The following POU3F3 variants were observed in gnomAD, a reference collection of about 807,000 sequenced individuals.
POU3F3 encodes POU domain, class 3, transcription factor 3.
In POU3F3, 1 loss-of-function variant was observed where a neutral mutation model predicts 8.6. The observed-to-expected ratio is 0.12, with a 90% confidence interval of 0.04 to 0.55. The LOEUF is 0.55. Among genes scored for constraint, POU3F3 ranks in the 20% least tolerant of loss-of-function variants. The pLI, the probability that POU3F3 is intolerant of heterozygous loss-of-function variation, is 0.91. For missense variants in POU3F3, 577 were observed against 690.7 expected (o/e 0.84, Z 1.84); for synonymous variants, 418 against 327.4 (o/e 1.28, Z -2.99).
At chr2:104,919,888 C>G in the POU3F3 span, among the ~76,000 whole-genome samples, 4 of 152,140 alleles carry the variant, frequency 2.6e-5, no homozygotes, top group Non-Finnish European at 5.9e-5. Flanking sequence ...AAAAATCACA[C>G]ACACACAGAG....
chr2:104,894,734 A>G, the POU3F3 span, among the ~76,000 whole-genome samples: 1 of 152,196 alleles, frequency 6.6e-6, no homozygotes, highest in Non-Finnish European at 1.5e-5. Context: ...CACTGTCCAA[A>G]AAATCTGCAT....
the POU3F3 span, among the ~76,000 whole-genome samples, chr2:104,925,431 C>T: frequency 6.6e-6 from 1 of 152,078 alleles, no homozygotes; most frequent in African/African-American, 2.4e-5. Flanking sequence ...AAGAAATTCC[C>T]AAGGTTTCCT....
chr2:104,890,724 GC>G, the POU3F3 span, among the ~76,000 whole-genome samples: 1 of 152,148 alleles, frequency 6.6e-6, no homozygotes, highest in African/African-American at 2.4e-5. Context: ...GGCATAGTCA[GC>G]CCATCTGATA....
the POU3F3 span, among the ~76,000 whole-genome samples, chr2:104,916,478 G>C: frequency 6.6e-6 from 1 of 152,182 alleles, no homozygotes; most frequent in African/African-American, 2.4e-5. Context: ...GCTGTCAGCT[G>C]AGGCTCCATT....
the POU3F3 span, among the ~76,000 whole-genome samples, chr2:104,889,862 GTTTCTGA>G: frequency 6.6e-6 from 1 of 152,090 alleles, no homozygotes; most frequent in South Asian, 2.1e-4. Flanking sequence ...ATTAACAGCT[GTTTCTGA>G]TATATAGCAA....
chr2:104,873,528 C>G, the POU3F3 span, among the ~76,000 whole-genome samples: 2 of 152,184 alleles, frequency 1.3e-5, no homozygotes, highest in African/African-American at 4.8e-5. Context: ...CCCGCGCGCG[C>G]ACTCGCACTC....
At chr2:104,883,124 T>C in the POU3F3 span, among the ~76,000 whole-genome samples, 1 of 152,190 alleles carries the variant, frequency 6.6e-6, no homozygotes, top group Non-Finnish European at 1.5e-5. Flanking sequence ...CTCTTTGCTG[T>C]GGAGAGTTGC....
chr2:104,860,043 T>A (rs1262027049), downstream of POU3F3, among the ~76,000 whole-genome samples: 1 of 152,178 alleles, frequency 6.6e-6, no homozygotes. Flanking sequence ...GGAATGGTGG[T>A]GGTTGATTAG....
chr2:104,868,003 G>A, the POU3F3 span: 8 of 344,762 alleles, frequency 2.3e-5, no homozygotes, highest in Non-Finnish European at 4.0e-5. Flanking sequence ...GGTAACCCTG[G>A]GCCCCGACCT....
At chr2:104,888,878 T>C in the POU3F3 span, among the ~76,000 whole-genome samples, 2,255 of 152,334 alleles carry the variant, frequency 0.015, 32 homozygotes, top group Non-Finnish European at 0.023. Context: ...ATCATACCAC[T>C]GAAAAGAGGG....
At chr2:104,875,692 T>C in the POU3F3 span, among the ~76,000 whole-genome samples, 3 of 152,196 alleles carry the variant, frequency 2.0e-5, no homozygotes, top group African/African-American at 7.2e-5. Flanking sequence ...TTTTAACTTT[T>C]GTTTTGTTGT....
the POU3F3 span, among the ~76,000 whole-genome samples, chr2:104,905,132 A>G: frequency 2.0e-5 from 3 of 152,168 alleles, no homozygotes; most frequent in Admixed American, 6.5e-5. Flanking sequence ...CTGGCTGCTC[A>G]TGTGCCTCCT....
chr2:104,883,654 G>C, the POU3F3 span, among the ~76,000 whole-genome samples: 6 of 152,210 alleles, frequency 3.9e-5, no homozygotes, highest in African/African-American at 7.2e-5. Context: ...CCAGTACAGA[G>C]GGGAAAACAT....
At chr2:104,919,790 C>G in the POU3F3 span, among the ~76,000 whole-genome samples, 1 of 151,842 alleles carries the variant, frequency 6.6e-6, no homozygotes, top group Non-Finnish European at 1.5e-5. Flanking sequence ...CCTTCCCTTC[C>G]CTTCCTTCCT....
chr2:104,863,858 G>T, the POU3F3 span, among the ~76,000 whole-genome samples: 2 of 152,260 alleles, frequency 1.3e-5, no homozygotes, highest in Non-Finnish European at 2.9e-5. Context: ...CACTGGCAGG[G>T]CTCATTGTCT....
At chr2:104,892,983 A>T in the POU3F3 span, among the ~76,000 whole-genome samples, 1 of 152,162 alleles carries the variant, frequency 6.6e-6, no homozygotes, top group Non-Finnish European at 1.5e-5. Context: ...GGCTAAGGGC[A>T]TTCATGTTAT....
At chr2:104,904,285 G>T in the POU3F3 span, among the ~76,000 whole-genome samples, 1 of 152,126 alleles carries the variant, frequency 6.6e-6, no homozygotes, top group Non-Finnish European at 1.5e-5. Context: ...ACCCTCTTAG[G>T]TGATCAAATG....
downstream of POU3F3, among the ~76,000 whole-genome samples, chr2:104,862,913 A>C (rs945972267): frequency 2.0e-5 from 3 of 152,106 alleles, no homozygotes; most frequent in African/African-American, 7.2e-5. Flanking sequence ...ATTACAGATC[A>C]AAATGGCTTG....
At chr2:104,905,762 G>A in the POU3F3 span, among the ~76,000 whole-genome samples, 1 of 152,168 alleles carries the variant, frequency 6.6e-6, no homozygotes, top group Non-Finnish European at 1.5e-5. Context: ...CTCTGTGAGT[G>A]CCTGTGTCCA....
Sources: gnomAD v4.1 joint callset for allele counts (sites outside exome capture counted in the v4.1 genomes callset) on GRCh38, gnomAD v4.1.1 for gene constraint, MANE v1.5 for transcripts, NCBI Gene and HGNC (gene_info 2026-07-23, HGNC 2026-07-21) for gene names.